FAM83B: variants seen among roughly 807,000 people sequenced by gnomAD.
FAM83B encodes the protein scaffolding CK1 anchoring protein B, also known as protein FAM83B.
In FAM83B, 26 loss-of-function variants were observed where a neutral mutation model predicts 38.8. The observed-to-expected ratio is 0.67, with a 90% CI of 0.49 to 0.93. FAM83B has a LOEUF of 0.93. Among genes scored for constraint, FAM83B ranks in the 40% least tolerant of loss-of-function variants. The pLI is 0.00. For missense variants in FAM83B, 1,237 were observed against 1,197.3 expected (o/e 1.03, Z -0.49); for synonymous variants, 419 against 423.1 (o/e 0.99, Z 0.12).
intron 2 of FAM83B, among the ~76,000 whole-genome samples, chr6:54,893,253 A>G (rs922038531): frequency 8.5e-5 from 13 of 152,188 alleles, no homozygotes; most frequent in Admixed American, 3.3e-4. Context: ...CTAATACAGT[A>G]TATTTTCGAG....
chr6:54,901,925 T>C (rs550437663), intron 2 of FAM83B, among the ~76,000 whole-genome samples: 2 of 152,268 alleles, frequency 1.3e-5, no homozygotes, highest in African/African-American at 4.8e-5. Context: ...TCAGCTGTCT[T>C]CCCATCCGTG....
chr6:54,872,538 A>G (rs766848984), intron 2 of FAM83B, among the ~76,000 whole-genome samples: 1 of 152,232 alleles, frequency 6.6e-6, no homozygotes, highest in African/African-American at 2.4e-5. Flanking sequence ...TAATGCATTT[A>G]TCACCCTGCG....
intron 2 of FAM83B, among the ~76,000 whole-genome samples, chr6:54,919,193 C>A (rs1773116122): frequency 6.6e-6 from 1 of 152,050 alleles, no homozygotes; most frequent in South Asian, 2.1e-4. Flanking sequence ...TTCTTTATTC[C>A]TCCCAATTCC....
At chr6:54,888,520 A>T (rs909726510) in intron 2 of FAM83B, among the ~76,000 whole-genome samples, 2 of 151,966 alleles carry the variant, frequency 1.3e-5, no homozygotes, top group Non-Finnish European at 2.9e-5. Flanking sequence ...GGTATGGAAT[A>T]AAAGTTGTTA....
At chr6:54,868,396 AC>A (rs1771768261) in intron 1 of FAM83B, among the ~76,000 whole-genome samples, 1 of 152,122 alleles carries the variant, frequency 6.6e-6, no homozygotes, top group Non-Finnish European at 1.5e-5. Context: ...CCTTTTGAGA[AC>A]CACTGAACTT....
At chr6:54,856,203 A>G (rs1771442349) in intron 1 of FAM83B, among the ~76,000 whole-genome samples, 1 of 152,162 alleles carries the variant, frequency 6.6e-6, no homozygotes, top group Non-Finnish European at 1.5e-5. Flanking sequence ...TCATGGACTC[A>G]CATATACACA....
intron 1 of FAM83B, among the ~76,000 whole-genome samples, chr6:54,853,325 T>G (rs1185843656): frequency 6.6e-6 from 1 of 152,144 alleles, no homozygotes; most frequent in Non-Finnish European, 1.5e-5. Context: ...CAACACATTT[T>G]TAATGTAGGT....
intron 1 of FAM83B, among the ~76,000 whole-genome samples, chr6:54,863,100 G>A (rs1581885084): frequency 6.6e-6 from 1 of 152,036 alleles, no homozygotes; most frequent in East Asian, 1.9e-4. Flanking sequence ...CTTTTGAGCG[G>A]GCAAAACAAA....
chr6:54,892,756 T>C (rs1772436331), intron 2 of FAM83B, among the ~76,000 whole-genome samples: 1 of 151,444 alleles, frequency 6.6e-6, no homozygotes, highest in Admixed American at 6.6e-5. Context: ...AAATGTTACA[T>C]GTGATAATTT....
intron 2 of FAM83B, among the ~76,000 whole-genome samples, chr6:54,879,039 G>A (rs1293452231): frequency 1.3e-5 from 2 of 152,166 alleles, no homozygotes; most frequent in African/African-American, 2.4e-5. Flanking sequence ...TGTCATTTGA[G>A]GTTGGTGTCA....
chr6:54,899,297 A>G (rs547743082), intron 2 of FAM83B, among the ~76,000 whole-genome samples: 1 of 152,318 alleles, frequency 6.6e-6, no homozygotes, highest in African/African-American at 2.4e-5. Context: ...TTTTCTAAAC[A>G]TTTCTAAGGA....
intron 1 of FAM83B, among the ~76,000 whole-genome samples, chr6:54,865,172 G>A (rs1203926212): frequency 6.6e-6 from 1 of 152,162 alleles, no homozygotes; most frequent in Admixed American, 6.5e-5. Context: ...ATTCTGTTAT[G>A]CTTCTGAAGT....
At chr6:54,922,060 C>G (rs6909227) in intron 2 of FAM83B, among the ~76,000 whole-genome samples, 1 of 152,006 alleles carries the variant, frequency 6.6e-6, no homozygotes, top group African/African-American at 2.4e-5. Context: ...ATAATCTAGT[C>G]TTCTGGATGC....
intron 2 of FAM83B, among the ~76,000 whole-genome samples, chr6:54,875,757 A>G (rs1427094436): frequency 2.1e-5 from 3 of 144,066 alleles, no homozygotes; most frequent in Admixed American, 1.4e-4. Flanking sequence ...AAGGGAGAGA[A>G]AAGAAGGTGG....
chr6:54,906,907 CTT>C lies in FAM83B; in HGVS notation c.445-19461_445-19460del, dbSNP rs907352780. Among the ~76,000 whole-genome samples the C allele has an allele frequency of 3.3e-5, 5 of 152,232 alleles. No homozygotes were observed. The East Asian group carries it at 9.7e-4, about 29-fold the overall frequency. ...AGATACAGCAGGTATTATACAGTCT[CTT>C]TTGTCTAATATATATTTGTGAACCC... On this transcript the variant is annotated intron_variant, in intron 2 of 4. Coordinates refer to ENST00000306858, the MANE Select transcript of FAM83B (RefSeq NM_001010872.3).
intron 2 of FAM83B, among the ~76,000 whole-genome samples, chr6:54,910,609 C>A (rs1400585410): frequency 6.6e-6 from 1 of 152,162 alleles, no homozygotes; most frequent in Non-Finnish European, 1.5e-5. Context: ...TCTCTTGCTC[C>A]CTCACTCCTT....
At chr6:54,846,951 A>C (rs2127569850) in intron 1 of FAM83B, 125 bp downstream of exon 1, 1 of 152,088 alleles carries the variant, frequency 6.6e-6, no homozygotes, top group South Asian at 2.1e-4. Flanking sequence ...GGCGCGGCGG[A>C]CGGGAGGGAT....
intron 2 of FAM83B, among the ~76,000 whole-genome samples, chr6:54,884,863 C>G (rs28451121): frequency 9.9e-5 from 15 of 151,564 alleles, no homozygotes; most frequent in Non-Finnish European, 1.5e-4. Context: ...AGCTCCGCCT[C>G]CCGGGTTCAC....
At position 54,859,059 on chromosome 6, in the gene FAM83B, A is replaced by G. The variant is rs1235323469; in HGVS notation, c.-60-11128A>G. Among the ~76,000 whole-genome samples, 8 of 140,890 alleles carry G rather than the reference A, an allele frequency of 5.7e-5. No individual in the cohort carries two copies. The East Asian group carries it at 1.6e-3, about 29-fold the overall frequency. The allele number at this position is 140,890 out of a possible 152,430, so 92.4% of individuals were successfully genotyped here. ...TAATTCCTCCCCCGACACCGTGCCC[A>G]CCCCCCAGCCCCCAGCACTGAGACG... On this transcript the variant is annotated intron_variant, in intron 1 of 4. Coordinates refer to ENST00000306858, the MANE Select transcript of FAM83B (RefSeq NM_001010872.3).
Sources: allele counts gnomAD v4.1 joint callset (sites outside exome capture counted in the v4.1 genomes callset), GRCh38; gene constraint gnomAD v4.1.1; transcripts MANE v1.5; gene names NCBI Gene and HGNC (gene_info 2026-07-23, HGNC 2026-07-21).